Variants in ABHD17B observed in about 807,000 individuals in gnomAD.
The protein encoded by ABHD17B is alpha/beta hydrolase domain-containing protein 17B.
Under a neutral mutation model 26.2 loss-of-function variants are expected in ABHD17B, and 9 were observed. The ratio of observed to expected loss-of-function variants is 0.34; its 90% CI spans 0.21 to 0.60. The LOEUF (loss-of-function observed/expected upper bound fraction) is 0.60, where lower values mean the gene tolerates loss of function less well. Among genes scored for constraint, ABHD17B ranks in the 20% least tolerant of loss-of-function variants. The probability of loss-of-function intolerance (pLI) is 0.80; values close to 1 mark genes in which losing one functional copy is unlikely to be tolerated. For synonymous variants in ABHD17B, 127 were observed against 122.3 expected, an observed-to-expected ratio of 1.04 and a Z score of -0.25; for missense variants, 224 against 352.1, an observed-to-expected ratio of 0.64 and a Z score of 2.91.
chr9:71,906,138 G>A (rs1827276131), intron 1 of ABHD17B, among the ~76,000 whole-genome samples: 1 of 152,076 alleles, frequency 6.6e-6, no homozygotes, highest in South Asian at 2.1e-4. Flanking sequence ...CATTCATAGA[G>A]GGGAACAGAA....
chr9:71,887,278 AACTT>A (rs1826639824), intron 1 of ABHD17B, among the ~76,000 whole-genome samples: 1 of 152,176 alleles, frequency 6.6e-6, no homozygotes, highest in Non-Finnish European at 1.5e-5. Flanking sequence ...GTAAGTTGTG[AACTT>A]ACTATCCTAG....
chr9:71,863,006 G>A (rs547345769), downstream of ABHD17B, among the ~76,000 whole-genome samples: 175 of 150,312 alleles, frequency 1.2e-3, no homozygotes, highest in African/African-American at 4.0e-3. Context: ...AGAAATCACC[G>A]AGAAAAAAAA....
chr9:71,885,560 T>C (rs1459714661), intron 1 of ABHD17B, among the ~76,000 whole-genome samples: 2 of 152,044 alleles, frequency 1.3e-5, no homozygotes, highest in Non-Finnish European at 2.9e-5. Flanking sequence ...ATTTCTTCAC[T>C]TACAGCAAGA....
chr9:71,876,608 A>AG (rs1826282628), intron 1 of ABHD17B, among the ~76,000 whole-genome samples: 1 of 151,676 alleles, frequency 6.6e-6, no homozygotes, highest in African/African-American at 2.4e-5. Context: ...TTCTCCAAAA[A>AG]GAAAAAAAAA....
chr9:71,875,202 G>T, intron 1 of ABHD17B, 119 bp from the exon 2 acceptor site: 1 of 785,638 alleles, frequency 1.3e-6, no homozygotes, highest in Non-Finnish European at 2.0e-6. Context: ...TACTATTTTA[G>T]GTATGATTCC....
At chr9:71,891,938 G>A (rs1439497635) in intron 1 of ABHD17B, among the ~76,000 whole-genome samples, 4 of 152,094 alleles carry the variant, frequency 2.6e-5, no homozygotes, top group Non-Finnish European at 5.9e-5. Flanking sequence ...GAAGCCTTTG[G>A]ACAGCACGAT....
chr9:71,901,711 T>C (rs893396897), intron 1 of ABHD17B, among the ~76,000 whole-genome samples: 1 of 152,146 alleles, frequency 6.6e-6, no homozygotes, highest in African/African-American at 2.4e-5. Flanking sequence ...CATCCCCCTC[T>C]TCATTCCTCT....
chr9:71,865,268 C>T lies in ABHD17B; in HGVS notation c.*1519G>A, dbSNP rs1589205282. The T allele has an allele frequency of 9.1e-6, 9 of 985,416 alleles. No individual in the cohort carries two copies. Among genetic ancestry groups the T allele is most frequent in the South Asian group, 4.7e-5 (1 of 21,280 alleles). 61.0% of individuals were successfully genotyped at this position (985,416 alleles called of 1,614,324 possible). On this transcript the variant is annotated 3_prime_UTR_variant, in exon 4 of 4. Coordinates refer to ENST00000333421, the MANE Select transcript of ABHD17B (RefSeq NM_001025780.3). ...TATAGTCTTAAACATAACCACGGAA[C>T]GAGCAGAACAATTAAAACTACATAA...
At chr9:71,869,350 A>C (rs1826046239) in intron 3 of ABHD17B, among the ~76,000 whole-genome samples, 1 of 150,562 alleles carries the variant, frequency 6.6e-6, no homozygotes, top group Non-Finnish European at 1.5e-5. Flanking sequence ...GGCCATTCAC[A>C]AAAAAAATCC....
chr9:71,880,102 ACTT>A (rs1826396233), intron 1 of ABHD17B, among the ~76,000 whole-genome samples: 2 of 152,196 alleles, frequency 1.3e-5, no homozygotes, highest in Admixed American at 1.3e-4. Flanking sequence ...AAACTCACGC[ACTT>A]CTTGAGTAAT....
Position 71,888,115 on chromosome 9 carries a change from G to C in ABHD17B, c.-3-13032C>G, listed in dbSNP as rs866743795. Among the ~76,000 whole-genome samples the C allele has an allele frequency of 7.2e-5, 11 of 152,322 alleles. No individual in the cohort carries two copies. The Middle Eastern group carries it at 0.014, about 188-fold the overall frequency. ...CAGTATCCTAAACACTTACAATCTTGATGATCCACCAGAGCAATGTCCTAA... is the reference window on the plus strand; with the variant it reads ...CAGTATCCTAAACACTTACAATCTTCATGATCCACCAGAGCAATGTCCTAA... On this transcript the variant is annotated intron_variant, in intron 1 of 3. Transcript: ENST00000333421.
chr9:71,864,938 A>G (rs913033334), downstream of ABHD17B, among the ~76,000 whole-genome samples: 3 of 152,222 alleles, frequency 2.0e-5, no homozygotes, highest in African/African-American at 7.2e-5. Context: ...CAGGTAATCA[A>G]AGAAAACATT....
At chr9:71,867,040 A>C (rs1825978192) in intron 3 of ABHD17B, 34 bp from the exon 4 acceptor site, 1 of 1,604,804 alleles carries the variant, frequency 6.2e-7, no homozygotes, top group Non-Finnish European at 8.5e-7. Flanking sequence ...AAAATGCAAT[A>C]AATTAACTAT....
intron 2 of ABHD17B, among the ~76,000 whole-genome samples, chr9:71,871,943 T>G (rs1826127187): frequency 1.3e-5 from 2 of 152,184 alleles, no homozygotes; most frequent in Non-Finnish European, 2.9e-5. Context: ...GATATCCAAT[T>G]TTCCCAAAAA....
At chr9:71,881,966 A>T (rs375175464) in intron 1 of ABHD17B, among the ~76,000 whole-genome samples, 2 of 152,150 alleles carry the variant, frequency 1.3e-5, no homozygotes, top group African/African-American at 4.8e-5. Flanking sequence ...ATTTATAGAC[A>T]TTTCTCCAAA....
intron 1 of ABHD17B, among the ~76,000 whole-genome samples, chr9:71,905,145 C>G (rs1476199433): frequency 1.3e-5 from 2 of 150,402 alleles, no homozygotes; most frequent in Admixed American, 6.6e-5. Flanking sequence ...TTTTTTGAGA[C>G]GGAGTCTCAT....
intron 1 of ABHD17B, among the ~76,000 whole-genome samples, chr9:71,904,182 T>G (rs1276112781): frequency 6.6e-6 from 1 of 152,242 alleles, no homozygotes; most frequent in Non-Finnish European, 1.5e-5. Flanking sequence ...CAGTTATCAC[T>G]TTCTAATATA....
At chr9:71,891,290 T>C (rs1819927271) in intron 1 of ABHD17B, among the ~76,000 whole-genome samples, 1 of 152,222 alleles carries the variant, frequency 6.6e-6, no homozygotes, top group South Asian at 2.1e-4. Flanking sequence ...TTCATAAGCC[T>C]ATTATCTAAA....
intron 1 of ABHD17B, among the ~76,000 whole-genome samples, chr9:71,897,643 A>G (rs553559469): frequency 1.3e-5 from 2 of 152,348 alleles, no homozygotes; most frequent in South Asian, 4.1e-4. Context: ...TTTTTAGTAG[A>G]GATATGGGGG....
Sources: allele counts gnomAD v4.1 joint callset (sites outside exome capture counted in the v4.1 genomes callset), GRCh38; gene constraint gnomAD v4.1.1; transcripts MANE v1.5; gene names NCBI Gene and HGNC (gene_info 2026-07-23, HGNC 2026-07-21).